The following SST variants were observed in gnomAD, a reference collection of about 807,000 sequenced individuals.
SST encodes growth hormone release-inhibiting factor.
In SST, 7 loss-of-function variants were observed where a neutral mutation model predicts 10.4. The observed-to-expected ratio is 0.67, with a 90% CI of 0.38 to 1.26. SST has a LOEUF of 1.26. SST is among the 50% of genes most tolerant of loss of function. SST has a pLI of 0.02. For missense variants in SST, 145 were observed against 140.8 expected (o/e 1.03, Z -0.15); for synonymous variants, 63 against 63.9 (o/e 0.99, Z 0.07).
chr3:187,670,300 C>G lies in SST; in HGVS notation c.-9G>C, dbSNP rs1308810081. On this transcript the variant is annotated 5_prime_UTR_variant, in exon 1 of 2. Transcript: ENST00000287641. Reference sequence around the variant, plus strand: ...AGGCGGCAGGACAGCATCTCGGCGCCGCGAAAGCCGAGCTGGAGAGTGGCT... The same window carrying G: ...AGGCGGCAGGACAGCATCTCGGCGCGGCGAAAGCCGAGCTGGAGAGTGGCT... The G allele has an allele frequency of 6.4e-7, 1 of 1,572,724 alleles. No individual in the cohort carries two copies. The highest frequency in any genetic ancestry group is 8.6e-7 in the Non-Finnish European group (1 of 1,158,718).
intron 1 of SST, among the ~76,000 whole-genome samples, chr3:187,669,529 A>AACACACACACAC (rs57361717): frequency 6.8e-6 from 1 of 147,350 alleles, no homozygotes; most frequent in African/African-American, 2.5e-5. Context: ...CTGTAGACTT[A>AACACACACACAC]ACACACACAC....
In SST at chr3:187,670,148, C is replaced by G; in HGVS notation, c.138+6G>C. 2 of 1,583,378 alleles carry G rather than the reference C, an allele frequency of 1.3e-6. No homozygotes were observed. Among genetic ancestry groups the G allele is most frequent in the East Asian group, 2.3e-5 (1 of 43,122 alleles). ...AATCCGGGAGACGTCGAGGGAGTCT[C>G]CTTACCTGCTTCCCCGCGGCAGCAG... On this transcript the variant is annotated splice_donor_region_variant and intron_variant, in intron 1 of 1. Coordinates refer to ENST00000287641, the MANE Select transcript of SST (RefSeq NM_001048.4).
At position 187,670,160 on chromosome 3, in the gene SST, C is replaced by A; in HGVS notation, c.132G>T (p.Gly44=). The change falls in exon 1 of 2, where the codon GGG becomes GGT. Residue 44 remains glycine (G), a synonymous_variant. Coordinates refer to ENST00000287641, the MANE Select transcript of SST (RefSeq NM_001048.4). ...GTCGAGGGAGTCTCCTTACCTGCTT[C>A]CCCGCGGCAGCAGCCAGGGACTTCT... ...FLQKSLAAAA[G]KQELAKYFLA... is the part of the protein sequence containing the mutation. 6.3e-7 allele frequency: 1 copy of A among 1,587,598 alleles called. No individual in the cohort carries two copies. The highest frequency in any genetic ancestry group is 1.2e-5 in the South Asian group (1 of 86,734).
At position 187,670,219 on chromosome 3, in the gene SST, C is replaced by A. The variant is rs867771684; in HGVS notation, c.73G>T (p.Ala25Ser). The change falls in exon 1 of 2, where the codon GCT becomes TCT. Residue 25 changes from alanine (A) to serine (S), a missense_variant. Coordinates refer to ENST00000287641, the MANE Select transcript of SST (RefSeq NM_001048.4). ...IVLALGCVTG[A>S]PSDPRLRQFL... ...TGACGGAGTCTGGGGTCCGAGGGAG[C>A]GCCGGTGACACAGCCCAGGGCCAGG... The A allele has an allele frequency of 4.4e-6, 7 of 1,595,104 alleles. No individual in the cohort carries two copies. The highest frequency in any genetic ancestry group is 2.7e-5 in the African/African-American group (2 of 74,518).
Position 187,669,045 on chromosome 3 carries a change from G to C in SST, c.*20C>G. 1 of 1,613,014 alleles carries C rather than the reference G, an allele frequency of 6.2e-7. No homozygotes were observed. Among genetic ancestry groups the C allele is most frequent in the Middle Eastern group, 1.7e-4 (1 of 6,058 alleles). On this transcript the variant is annotated 3_prime_UTR_variant, in exon 2 of 2. Transcript: ENST00000287641. ...GGCGAGGGATCAGAGGTCTGATATG[G>C]ACAATACTAGTTAAGAAAGCTAACA...
rs761433558 is a variant in SST at position 187,669,182 on chromosome 3, C to T, written c.234G>A (p.Glu78=). 3.1e-6 allele frequency: 5 copies of T among 1,614,020 alleles called. No homozygotes were observed. Among genetic ancestry groups the T allele is most frequent in the Non-Finnish European group, 4.2e-6 (5 of 1,180,026 alleles). ...LEPEDLSQAA[E]QDEMRLELQR... ...GCAGCTCAAGCCTCATTTCATCCTG[C>T]TCAGCAGCCTGGGACAGATCTTCAG... The change falls in exon 2 of 2, where the codon GAG becomes GAA. Residue 78 remains glutamate, a synonymous_variant. Transcript: ENST00000287641.
Position 187,670,344 on chromosome 3 carries a change from G to A in SST, c.-53C>T. Reference sequence around the variant, plus strand: ...AGTGGCTGGTCAAACTCTAGGCGCGGATCAGCAGGCAGCAGCGATGGCTCC... The same window carrying A: ...AGTGGCTGGTCAAACTCTAGGCGCGAATCAGCAGGCAGCAGCGATGGCTCC... On this transcript the variant is annotated 5_prime_UTR_variant, in exon 1 of 2. Transcript: ENST00000287641. The A allele has an allele frequency of 6.5e-7, 1 of 1,530,924 alleles. No homozygotes were observed. Among genetic ancestry groups the A allele is most frequent in the Non-Finnish European group, 8.8e-7 (1 of 1,135,452 alleles). The allele number at this position is 1,530,924 out of a possible 1,614,324, so 94.8% of individuals were successfully genotyped here.
intron 1 of SST, among the ~76,000 whole-genome samples, chr3:187,669,730 G>T (rs1398608201): frequency 6.6e-6 from 1 of 152,152 alleles, no homozygotes; most frequent in Non-Finnish European, 1.5e-5. Context: ...AACATACGGC[G>T]TTCGGTCTTT....
intron 1 of SST, among the ~76,000 whole-genome samples, 178 bp from the exon 2 acceptor site, chr3:187,669,455 C>T (rs1168282822): frequency 1.3e-5 from 2 of 151,672 alleles, no homozygotes; most frequent in Non-Finnish European, 2.9e-5. Context: ...AGGATAGTTG[C>T]TATAATTACC....
chr3:187,670,270 A>G lies in SST; in HGVS notation c.22T>C (p.Cys8Arg), dbSNP rs2108533063. The G allele has an allele frequency of 6.3e-7, 1 of 1,591,102 alleles. No individual in the cohort carries two copies. The highest frequency in any genetic ancestry group is 8.6e-7 in the Non-Finnish European group (1 of 1,168,790). The change falls in exon 1 of 2, where the codon TGC becomes CGC. Residue 8 changes from cysteine (C) to arginine (R), a missense_variant. By Grantham distance (180) the Cys-to-Arg change is radical. Coordinates refer to ENST00000287641, the MANE Select transcript of SST (RefSeq NM_001048.4). The part of the protein sequence containing the change: MLSCRLQ[C>R]ALAALSIVLA... ...ACGATGGACAGCGCAGCCAGCGCGC[A>G]CTGGAGGCGGCAGGACAGCATCTCG... is the stretch of plus-strand genomic sequence containing the variant.
In SST at chr3:187,669,275, T is replaced by C; in HGVS notation, c.141A>G (p.Glu47=). ...KSLAAAAGKQ[E]LAKYFLAELL... ...GCTCTGCCAAGAAGTACTTGGCCAG[T>C]TCCTGTATAGGGCAGAAGGGATAGA... The change falls in exon 2 of 2, where the codon GAA becomes GAG. Residue 47 remains glutamate (E), a splice_region_variant and synonymous_variant. Transcript: ENST00000287641. 6.2e-7 allele frequency: 1 copy of C among 1,613,702 alleles called. No individual in the cohort carries two copies. Among genetic ancestry groups the C allele is most frequent in the Non-Finnish European group, 8.5e-7 (1 of 1,179,968 alleles).
chr3:187,669,559 AACACACACACAC>A (rs58680547), intron 1 of SST, among the ~76,000 whole-genome samples: 2 of 145,318 alleles, frequency 1.4e-5, no homozygotes, highest in African/African-American at 5.1e-5. Flanking sequence ...CACACGCACA[AACACACACACAC>A]ACACACACAC....
chr3:187,670,092 G>A (rs1212873276), intron 1 of SST, 62 bp downstream of exon 1: 3 of 1,530,426 alleles, frequency 2.0e-6, no homozygotes, highest in African/African-American at 2.8e-5. Context: ...CAAACCAATG[G>A]GGCAGGAGCA....
chr3:187,669,134 C>T lies in SST; in HGVS notation c.282G>A (p.Pro94=), dbSNP rs774344993. 3.1e-6 allele frequency: 5 copies of T among 1,613,390 alleles called. No homozygotes were observed. In the African/African-American group the frequency reaches 5.4e-5, roughly 17 times the overall value. ...CTTTGCGTTCTCGGGGTGCCATAGCCGGGTTTGAGTTAGCAGATCTCTGCA... is the reference window on the plus strand; with the variant it reads ...CTTTGCGTTCTCGGGGTGCCATAGCTGGGTTTGAGTTAGCAGATCTCTGCA... ...LELQRSANSN[P]AMAPRERKAG... The change falls in exon 2 of 2, where the codon CCG becomes CCA. Residue 94 remains proline (P), a synonymous_variant. Coordinates refer to ENST00000287641, the MANE Select transcript of SST (RefSeq NM_001048.4).
At position 187,669,039 on chromosome 3, in the gene SST, G is replaced by A; in HGVS notation, c.*26C>T. ...TGTGGGGGCGAGGGATCAGAGGTCT[G>A]ATATGGACAATACTAGTTAAGAAAG... is the stretch of plus-strand genomic sequence containing the variant. On this transcript the variant is annotated 3_prime_UTR_variant, in exon 2 of 2. Transcript: ENST00000287641. 1 of 1,611,392 alleles carries A rather than the reference G, an allele frequency of 6.2e-7. No individual in the cohort carries two copies. The highest frequency in any genetic ancestry group is 8.5e-7 in the Non-Finnish European group (1 of 1,177,610).
chr3:187,669,401 C>T (rs538344337), intron 1 of SST, 124 bp from the exon 2 acceptor site: 77 of 852,624 alleles, frequency 9.0e-5, no homozygotes, highest in South Asian at 5.7e-4. Flanking sequence ...TTTACAGCTG[C>T]GCATTTTTTG....
intron 1 of SST, 110 bp from the exon 2 acceptor site, chr3:187,669,387 A>G (rs1717183081): frequency 1.2e-5 from 12 of 1,013,818 alleles, no homozygotes; most frequent in Non-Finnish European, 1.6e-5. Context: ...CACAAAATCC[A>G]GTTTTTACAG....
intron 1 of SST, among the ~76,000 whole-genome samples, chr3:187,669,529 A>C (rs971664118): frequency 6.8e-6 from 1 of 147,250 alleles, no homozygotes; most frequent in Non-Finnish European, 1.5e-5. Context: ...CTGTAGACTT[A>C]ACACACACAC....
intron 1 of SST, among the ~76,000 whole-genome samples, chr3:187,669,528 T>TAACACA (rs1319359213): frequency 8.2e-6 from 1 of 122,178 alleles, no homozygotes; most frequent in African/African-American, 3.9e-5. Context: ...CCTGTAGACT[T>TAACACA]AACACACACA....
Sources: gnomAD v4.1 joint callset for allele counts (sites outside exome capture counted in the v4.1 genomes callset) on GRCh38, gnomAD v4.1.1 for gene constraint, MANE v1.5 for transcripts, NCBI Gene and HGNC (gene_info 2026-07-23, HGNC 2026-07-21) for gene names.